Variants in MVP observed in about 807,000 individuals in gnomAD.
The protein encoded by MVP is lung resistance-related protein.
MVP carries 62 observed loss-of-function variants against 83.5 expected under a neutral mutation model. The observed-to-expected ratio is 0.74, with a 90% confidence interval of 0.61 to 0.92. The LOEUF (loss-of-function observed/expected upper bound fraction) is 0.92. MVP is among the 40% of genes least tolerant of loss of function. The pLI is 0.00. For missense variants in MVP, 1,000 were observed against 1,203.4 expected (o/e 0.83, Z 2.50); for synonymous variants, 505 against 504.1 (o/e 1.00, Z -0.02).
At chr16:29,832,807 G>A (rs1262196911) in intron 3 of MVP, among the ~76,000 whole-genome samples, 2 of 150,814 alleles carry the variant, frequency 1.3e-5, no homozygotes, top group Non-Finnish European at 3.0e-5. Flanking sequence ...GCTCACGCCT[G>A]TAATCCCAGC....
At chr16:29,845,529 G>T (rs1036739129) in intron 11 of MVP, among the ~76,000 whole-genome samples, 14 of 152,086 alleles carry the variant, frequency 9.2e-5, no homozygotes, top group Admixed American at 2.6e-4. Context: ...TCCCCTCCTT[G>T]GGGAACACTT....
At chr16:29,845,025 C>G in intron 11 of MVP, 146 bp downstream of exon 11, 1 of 1,174,446 alleles carries the variant, frequency 8.5e-7, no homozygotes, top group Non-Finnish European at 1.2e-6. Context: ...AGGTGACCCA[C>G]TTAAAATGTG....
chr16:29,827,837 G>T (rs8059069), intron 1 of MVP, among the ~76,000 whole-genome samples: 1 of 152,070 alleles, frequency 6.6e-6, no homozygotes, highest in Admixed American at 6.5e-5. Flanking sequence ...GATCACTTGA[G>T]CCTGGAGGTT....
intron 7 of MVP, 57 bp downstream of exon 7, chr16:29,837,015 G>T: frequency 2.0e-6 from 3 of 1,491,646 alleles, no homozygotes; most frequent in East Asian, 2.3e-5. Context: ...TCCTCTAGTG[G>T]CATGAGGCCC....
In MVP at chr16:29,834,019, G is replaced by C. The variant is rs1596916909; in HGVS notation, c.530G>C (p.Arg177Thr). 1 of 1,614,064 alleles carries C rather than the reference G, an allele frequency of 6.2e-7. No individual in the cohort carries two copies. Among genetic ancestry groups the C allele is most frequent in the Non-Finnish European group, 8.5e-7 (1 of 1,179,968 alleles). Reference sequence around the variant, plus strand: ...AGGCAGAACCAGGCTCTGCGGCTCAGGGCCCGCAAGGAGTGCTGGGACCGG... The same window carrying C: ...AGGCAGAACCAGGCTCTGCGGCTCACGGCCCGCAAGGAGTGCTGGGACCGG... ...IIRQNQALRL[R>T]ARKECWDRDG... The change falls in exon 5 of 15, where the codon AGG becomes ACG. Residue 177 changes from arginine (R) to threonine (T), a missense_variant. Transcript: ENST00000357402.
chr16:29,830,439 A>T, intron 1 of MVP, 76 bp from the exon 2 acceptor site: 2 of 1,308,356 alleles, frequency 1.5e-6, no homozygotes, highest in Non-Finnish European at 2.1e-6. Flanking sequence ...TCCCACCCAG[A>T]GTCTGTCACC....
chr16:29,837,986 C>CT (rs1468568955), intron 7 of MVP, among the ~76,000 whole-genome samples: 1 of 152,138 alleles, frequency 6.6e-6, no homozygotes, highest in African/African-American at 2.4e-5. Context: ...GTAAAGGGGG[C>CT]TGGATGGTAG....
rs922189262 is a variant in MVP at position 29,830,773 on chromosome 16, G to A, written c.125+99G>A. 4 of 1,576,612 alleles carry A rather than the reference G, an allele frequency of 2.5e-6. No homozygotes were observed. The African/African-American group carries it at 4.0e-5, about 16-fold the overall frequency. ...TCCTCCTCCCTCTTCCCAAGCAGGA[G>A]TGGCCCTCGCTTGGGCGATAGAGAG... On this transcript the variant is annotated intron_variant, in intron 2 of 14. Transcript: ENST00000357402.
rs778804699 is a variant in MVP, at chr16:29,844,646, C to T, written c.1788C>T (p.Ala596=). The T allele has an allele frequency of 1.2e-5, 19 of 1,614,060 alleles. No homozygotes were observed. The highest frequency in any genetic ancestry group is 2.7e-5 in the African/African-American group (2 of 74,948). Residue 596 remains alanine, a synonymous_variant, in exon 11 of 15, where the codon GCC becomes GCT. Coordinates refer to ENST00000357402, the MANE Select transcript of MVP (RefSeq NM_005115.5). The part of the protein sequence containing the change: ...VTFDDFHKNS[A]RIIRTAVFGF... ...TCGATGACTTCCATAAGAACTCAGC[C>T]CGCATCATTCGCACTGCTGTCTTTG...
At chr16:29,846,082 C>G in intron 12 of MVP, 76 bp from the exon 13 acceptor site, 1 of 1,603,892 alleles carries the variant, frequency 6.2e-7, no homozygotes, top group Non-Finnish European at 8.5e-7. Flanking sequence ...AGACAGTGCA[C>G]GGCTACAGCA....
At chr16:29,824,665 C>T (rs1286033918) in intron 1 of MVP, among the ~76,000 whole-genome samples, 1 of 151,884 alleles carries the variant, frequency 6.6e-6, no homozygotes, top group African/African-American at 2.4e-5. Flanking sequence ...GGCTGAGGCA[C>T]GAGAATTGCT....
intron 1 of MVP, among the ~76,000 whole-genome samples, chr16:29,827,492 C>A (rs953326754): frequency 6.6e-6 from 1 of 152,154 alleles, no homozygotes; most frequent in Admixed American, 6.6e-5. Context: ...GGCATTCCAC[C>A]AGGGTTCTAG....
chr16:29,840,117 T>C, intron 7 of MVP, 61 bp from the exon 8 acceptor site: 1 of 1,517,208 alleles, frequency 6.6e-7, no homozygotes. Context: ...ACTGGGGAGG[T>C]ACCATTGGAA....
intron 7 of MVP, chr16:29,839,958 T>C (rs1386825488): frequency 2.1e-6 from 1 of 477,166 alleles, no homozygotes; most frequent in Non-Finnish European, 3.7e-6. Context: ...AGTTATGGAA[T>C]CTTTCAAGGA....
In MVP at chr16:29,820,494, T is replaced by A. The variant is rs901700860; in HGVS notation, c.-52T>A. The A allele has an allele frequency of 3.3e-5, 5 of 152,222 alleles. No homozygotes were observed. The highest frequency in any genetic ancestry group is 1.2e-4 in the African/African-American group (5 of 41,424). 9.4% of individuals were successfully genotyped at this position (152,222 alleles called of 1,614,324 possible). On this transcript the variant is annotated 5_prime_UTR_variant, in exon 1 of 15. Transcript: ENST00000357402. ...CCCCATCTGAGGCGTTTGTTGCAGC[T>A]ACCTGCACTTCTAGATGTGAGTACA...
rs535997011 is a variant in MVP at position 29,846,441 on chromosome 16, T to C, written c.2265+157T>C. On this transcript the variant is annotated intron_variant, in intron 13 of 14. Transcript: ENST00000357402. ...AAAGTCCTTTGCCTTGTAGGATTCA[T>C]TGACTCCATTGCTGGAAGGTAAGGA... Among the ~76,000 whole-genome samples the C allele has an allele frequency of 5.3e-5, 8 of 152,376 alleles. 1 individual carries two copies. Among genetic ancestry groups the C allele is most frequent in the Non-Finnish European group, 1.0e-4 (7 of 68,030 alleles).
chr16:29,830,836 A>G, intron 2 of MVP, 42 bp from the exon 3 acceptor site: 1 of 1,592,130 alleles, frequency 6.3e-7, no homozygotes, highest in South Asian at 1.1e-5. Context: ...GGTAGTGGAG[A>G]CCTGGTCCCA....
At chr16:29,845,769 T>G (rs1431088151) in intron 11 of MVP, 94 bp from the exon 12 acceptor site, 2 of 1,091,670 alleles carry the variant, frequency 1.8e-6, no homozygotes, top group Non-Finnish European at 2.7e-6. Context: ...GGGTCTGTCC[T>G]GGGCACCGGT....
intron 7 of MVP, 77 bp downstream of exon 7, chr16:29,837,035 TCTC>T: frequency 7.4e-7 from 1 of 1,357,520 alleles, no homozygotes; most frequent in Non-Finnish European, 1.0e-6. Context: ...CTCTGCCTTC[TCTC>T]CTCCAGACGC....
Sources: allele counts gnomAD v4.1 joint callset (sites outside exome capture counted in the v4.1 genomes callset), GRCh38; gene constraint gnomAD v4.1.1; transcripts MANE v1.5; gene names NCBI Gene and HGNC (gene_info 2026-07-23, HGNC 2026-07-21).